The following SATB1 variants were observed in gnomAD, a reference collection of about 807,000 sequenced individuals.
SATB1 encodes DNA-binding protein SATB1.
SATB1 carries 11 observed loss-of-function variants against 86.9 expected under a neutral mutation model. The ratio of observed to expected loss-of-function variants is 0.13; its 90% CI spans 0.08 to 0.21. The LOEUF is 0.21. SATB1 is among the 10% of genes least tolerant of loss of function. The pLI is 1.00. For synonymous variants in SATB1, 357 were observed against 357.2 expected, an observed-to-expected ratio of 1.00 and a Z score of 0.01; for missense variants, 551 against 937.6, an observed-to-expected ratio of 0.59 and a Z score of 5.39.
upstream of SATB1, among the ~76,000 whole-genome samples, chr3:18,425,839 G>C (rs1319120270): frequency 7.6e-5 from 11 of 145,246 alleles, no homozygotes; most frequent in Non-Finnish European, 1.1e-4. Flanking sequence ...AGGACGGGCA[G>C]GACGGGCACG....
intron 2 of SATB1, among the ~76,000 whole-genome samples, chr3:18,433,622 T>C (rs1005508359): frequency 2.0e-5 from 3 of 152,104 alleles, no homozygotes; most frequent in African/African-American, 7.2e-5. Flanking sequence ...GAAGTTCGTA[T>C]CTGTATTTTT....
At position 18,420,955 on chromosome 3, in the gene SATB1, T is replaced by TCAA; in HGVS notation, c.10_12dup (p.Leu4dup). 1.9e-6 allele frequency: 3 copies of TCAA among 1,614,182 alleles called. No individual in the cohort carries two copies. Among genetic ancestry groups the TCAA allele is most frequent in the Non-Finnish European group, 2.5e-6 (3 of 1,180,006 alleles). ...TGTTCTTTCCCCTGAGTTGCCTCGT[T>TCAA]CAAATGATCCATACTCAGTCACTGT... On this transcript the variant is annotated inframe_insertion, in exon 2 of 11. Transcript: ENST00000338745.
rs1369195452 is a variant in SATB1 at position 18,345,463 on chromosome 3, A to AATT, written c.*3704_*3706dup. The AATT allele has an allele frequency of 6.6e-6, 1 of 152,126 alleles. No homozygotes were observed. Among genetic ancestry groups the AATT allele is most frequent in the African/African-American group, 2.4e-5 (1 of 41,466 alleles). The allele number at this position is 152,126 out of a possible 1,614,324, so 9.4% of individuals were successfully genotyped here. Reference sequence around the variant, plus strand: ...ATTCAGGACATACACCTTCTACCACAATTTCTTTAATTAGGGTACTTTATA... The same window carrying AATT: ...ATTCAGGACATACACCTTCTACCACAATTATTTCTTTAATTAGGGTACTTTATA... On this transcript the variant is annotated 3_prime_UTR_variant, in exon 11 of 11. Transcript: ENST00000338745.
At chr3:18,371,576 T>C (rs1695482879) in intron 9 of SATB1, among the ~76,000 whole-genome samples, 1 of 152,194 alleles carries the variant, frequency 6.6e-6, no homozygotes. Flanking sequence ...TAACGTAAGT[T>C]CTTCCATTCC....
chr3:18,431,735 C>G (rs1274085382), intron 2 of SATB1, among the ~76,000 whole-genome samples: 1 of 152,114 alleles, frequency 6.6e-6, no homozygotes, highest in Non-Finnish European at 1.5e-5. Flanking sequence ...TTGTATGAAC[C>G]AGCAGTAGAC....
At chr3:18,392,910 C>T (rs1195288617) in intron 7 of SATB1, among the ~76,000 whole-genome samples, 5 of 149,364 alleles carry the variant, frequency 3.3e-5, no homozygotes, top group Admixed American at 6.7e-5. Flanking sequence ...TAGGTAAAAC[C>T]ATACAATTTT....
In SATB1 at chr3:18,417,076, T is replaced by C. The variant is rs1486103633; in HGVS notation, c.214A>G (p.Thr72Ala). 4 of 1,611,658 alleles carry C rather than the reference T, an allele frequency of 2.5e-6. No individual in the cohort carries two copies. Among genetic ancestry groups the C allele is most frequent in the African/African-American group, 1.3e-5 (1 of 74,752 alleles). Residue 72 changes from threonine to alanine, a missense_variant and splice_region_variant, in exon 3 of 11, where the codon ACC becomes GCC. Physicochemically the swap from Thr to Ala is moderately conservative, Grantham distance 58. This residue lies in a region of SATB1 where 153 missense variants were observed against 258.1 expected (regional missense o/e 0.59). Transcript: ENST00000338745. ...ACCACACAGAAAACTGGCAGCATGG[T>C]TCCTATCAAAAAGATGAAGAAGAAG... is the stretch of plus-strand genomic sequence containing the variant. Reference protein sequence around the residue: ...HLMKTNLRKGTMLPVFCVVEH... With the variant: ...HLMKTNLRKGAMLPVFCVVEH...
rs749437040 is a variant in SATB1 at position 18,352,120 on chromosome 3, T to C, written c.1651A>G (p.Met551Val). Residue 551 changes from methionine (M) to valine (V), a missense_variant, in exon 10 of 11, where the codon ATG (methionine) becomes GTG (valine). Met to Val is a conservative substitution (Grantham distance 21). This residue lies in a region of SATB1 where 110 missense variants were observed against 212.2 expected (regional missense o/e 0.52). Transcript: ENST00000338745. The surrounding 1 kb of genome is among the most constrained non-coding windows in gnomAD (Gnocchi z 4.1). Reference protein sequence around the residue: ...ENRTLWENLSMIRRFLSLPQP... With the variant: ...ENRTLWENLSVIRRFLSLPQP... The stretch of plus-strand genomic sequence containing the variant: ...GGAAGACTGAGGAACCTTCGGATCA[T>C]GGAGAGGTTCTCCCACAGGGTTCTG... 1.2e-6 allele frequency: 2 copies of C among 1,614,220 alleles called. No individual in the cohort carries two copies. The highest frequency in any genetic ancestry group is 2.2e-5 in the East Asian group (1 of 44,874).
intron 2 of SATB1, among the ~76,000 whole-genome samples, chr3:18,436,536 A>T (rs1009695176): frequency 1.3e-5 from 2 of 151,158 alleles, no homozygotes; most frequent in African/African-American, 4.9e-5. Flanking sequence ...TCATCCAATT[A>T]TCCAGAAAAT....
intron 9 of SATB1, among the ~76,000 whole-genome samples, chr3:18,361,602 G>C (rs1423459222): frequency 6.6e-6 from 1 of 152,150 alleles, no homozygotes; most frequent in Non-Finnish European, 1.5e-5. Context: ...AATTGGTATA[G>C]TCTTTCTGAA....
At chr3:18,382,537 C>T (rs1696118904) in intron 8 of SATB1, among the ~76,000 whole-genome samples, 1 of 151,996 alleles carries the variant, frequency 6.6e-6, no homozygotes. Context: ...CATAAAAATT[C>T]CTCTAATAAA....
intron 5 of SATB1, among the ~76,000 whole-genome samples, chr3:18,407,609 T>C (rs1697610556): frequency 6.6e-6 from 1 of 152,004 alleles, no homozygotes; most frequent in South Asian, 2.1e-4. Flanking sequence ...ACTTTATAGA[T>C]GAGAAAATTG....
intron 9 of SATB1, among the ~76,000 whole-genome samples, chr3:18,368,258 T>A (rs994550183): frequency 6.6e-6 from 1 of 152,224 alleles, no homozygotes; most frequent in Non-Finnish European, 1.5e-5. Context: ...ACAATAACTA[T>A]ATCTTGCAAA....
In SATB1 at chr3:18,349,063, T is replaced by C. The variant is rs1694208111; in HGVS notation, c.*107A>G. On this transcript the variant is annotated 3_prime_UTR_variant, in exon 11 of 11. Coordinates refer to ENST00000338745, the MANE Select transcript of SATB1 (RefSeq NM_002971.6). The surrounding 1 kb of genome is among the most constrained non-coding windows in gnomAD (Gnocchi z 5.5). ...GTTTGTGCAAGTTTTTGAAGATTCATTGGCCAAACAATGAACAACAAAGGT... is the reference window on the plus strand; with the variant it reads ...GTTTGTGCAAGTTTTTGAAGATTCACTGGCCAAACAATGAACAACAAAGGT... The C allele has an allele frequency of 6.0e-6, 9 of 1,494,372 alleles. No individual in the cohort carries two copies. In the East Asian group the frequency reaches 1.6e-4, roughly 27 times the overall value. The allele number at this position is 1,494,372 out of a possible 1,614,324, so 92.6% of individuals were successfully genotyped here.
chr3:18,391,037 G>A (rs1199166243), intron 7 of SATB1, among the ~76,000 whole-genome samples: 1 of 152,018 alleles, frequency 6.6e-6, no homozygotes, highest in African/African-American at 2.4e-5. Flanking sequence ...AAGAACCCAT[G>A]CCCATCAATT....
chr3:18,378,181 T>C lies in SATB1; in HGVS notation c.1564A>G (p.Thr522Ala). The C allele has an allele frequency of 6.3e-7, 1 of 1,576,046 alleles. No homozygotes were observed. The highest frequency in any genetic ancestry group is 1.2e-5 in the South Asian group (1 of 81,570). Reference protein sequence around the residue: ...SQALFAKVAATKSQGWLCELL... With the variant: ...SQALFAKVAAAKSQGWLCELL... ...ACAGAGGCTCTTACCTGGCTTTTGGTTGCTGCAACCTTTGCAAACAGTGCT... is the reference window on the plus strand; with the variant it reads ...ACAGAGGCTCTTACCTGGCTTTTGGCTGCTGCAACCTTTGCAAACAGTGCT... The change falls in exon 9 of 11, where the codon ACC becomes GCC. Residue 522 changes from threonine to alanine, a missense_variant. Coordinates refer to ENST00000338745, the MANE Select transcript of SATB1 (RefSeq NM_002971.6).
At chr3:18,397,488 C>A (rs1223655450) in intron 5 of SATB1, among the ~76,000 whole-genome samples, 198 bp from the exon 6 acceptor site, 2 of 152,070 alleles carry the variant, frequency 1.3e-5, no homozygotes, top group Non-Finnish European at 2.9e-5. Context: ...TAGAAAGCAA[C>A]AGCCCACTGA....
At chr3:18,350,739 T>TA (rs1418767345) in intron 10 of SATB1, 1 of 152,972 alleles carries the variant, frequency 6.5e-6, no homozygotes. Flanking sequence ...CTTGATATCC[T>TA]AAAGGGAAGC....
At chr3:18,368,438 T>C (rs753003102) in intron 9 of SATB1, among the ~76,000 whole-genome samples, 12 of 152,280 alleles carry the variant, frequency 7.9e-5, no homozygotes, top group Non-Finnish European at 1.6e-4. Context: ...AGCTGAAAGT[T>C]ATCGTGGAGT....
Sources: allele counts gnomAD v4.1 joint callset (sites outside exome capture counted in the v4.1 genomes callset), GRCh38; gene constraint gnomAD v4.1.1; regional missense constraint gnomAD v4.1.1; non-coding constraint Gnocchi (gnomAD v3.1); transcripts MANE v1.5; gene names NCBI Gene and HGNC (gene_info 2026-07-23, HGNC 2026-07-21).